B4GALT4: variants seen among roughly 807,000 people sequenced by gnomAD.
B4GALT4 encodes the protein N-acetyllactosamine synthase.
B4GALT4 carries 27 observed loss-of-function variants against 37.3 expected under a neutral mutation model. The ratio of observed to expected loss-of-function variants is 0.72; its 90% CI spans 0.53 to 1.00. The LOEUF (loss-of-function observed/expected upper bound fraction) is 1.00. B4GALT4 is among the 50% of genes least tolerant of loss of function. B4GALT4 has a pLI of 0.00. For missense variants in B4GALT4, 372 were observed against 413.1 expected (o/e 0.90, Z 0.86); for synonymous variants, 148 against 154.1 (o/e 0.96, Z 0.29).
rs1195297168 is a variant in B4GALT4 at position 119,212,697 on chromosome 3, A to G, written c.903-16T>C. 6.4e-7 allele frequency: 1 copy of G among 1,574,746 alleles called. No homozygotes were observed. The highest frequency in any genetic ancestry group is 2.0e-5 in the Admixed American group (1 of 50,006). The stretch of plus-strand genomic sequence containing the variant: ...GAGCTTCATCCTAAAGATAAAAAGA[A>G]CAAATGTGAATGATAAGAATTTAAC... On this transcript the variant is annotated splice_polypyrimidine_tract_variant and intron_variant, in intron 7 of 7. Transcript: ENST00000393765.
chr3:119,224,599 T>C (rs535046063), intron 4 of B4GALT4, among the ~76,000 whole-genome samples: 11 of 152,240 alleles, frequency 7.2e-5, no homozygotes, highest in Non-Finnish European at 1.5e-4. Flanking sequence ...TATGCATAGA[T>C]ACATTGCATG....
At position 119,226,295 on chromosome 3, in the gene B4GALT4, G is replaced by C. The variant is rs1448035288; in HGVS notation, c.486+514C>G. ...GAAGTCAAATAGATGAATCCAGAAA[G>C]TGAAAATCAAACATAATATGTTTCA... On this transcript the variant is annotated intron_variant, in intron 4 of 7. Transcript: ENST00000393765. Among the ~76,000 whole-genome samples the C allele has an allele frequency of 2.6e-5, 4 of 152,186 alleles. No individual in the cohort carries two copies. The East Asian group carries it at 7.7e-4, about 29-fold the overall frequency.
intron 4 of B4GALT4, 108 bp from the exon 5 acceptor site, chr3:119,224,353 C>G (rs1029318050): frequency 2.9e-6 from 2 of 683,852 alleles, no homozygotes; most frequent in Non-Finnish European, 2.2e-6. Context: ...ATTCTACGCA[C>G]GAGACTACAC....
In B4GALT4 at chr3:119,226,801, A is replaced by T. The variant is rs2078633514; in HGVS notation, c.486+8T>A. 6.2e-7 allele frequency: 1 copy of T among 1,611,496 alleles called. No individual in the cohort carries two copies. The highest frequency in any genetic ancestry group is 1.3e-5 in the African/African-American group (1 of 74,988). On this transcript the variant is annotated splice_region_variant and intron_variant, in intron 4 of 7. Coordinates refer to ENST00000393765, the MANE Select transcript of B4GALT4 (RefSeq NM_003778.4). ...CGAGGGCAGGCCCTGGTCTGCCCCC[A>T]CGCTCACCTGGTGGATGACGTAGAT...
chr3:119,238,059 G>A (rs1420003309), intron 1 of B4GALT4, among the ~76,000 whole-genome samples: 6 of 152,068 alleles, frequency 3.9e-5, no homozygotes, highest in Non-Finnish European at 5.9e-5. Context: ...TTGAGGCCAG[G>A]AGTTCAAGAC....
chr3:119,214,667 CT>C (rs1294298638), intron 7 of B4GALT4: 1 of 152,202 alleles, frequency 6.6e-6, no homozygotes, highest in Non-Finnish European at 1.5e-5. Flanking sequence ...TGACTCTTTT[CT>C]CTTTATTCTG....
At chr3:119,223,474 C>T (rs2078507645) in intron 5 of B4GALT4, among the ~76,000 whole-genome samples, 1 of 152,216 alleles carries the variant, frequency 6.6e-6, no homozygotes, top group African/African-American at 2.4e-5. Flanking sequence ...AGCAGCTACA[C>T]CCTTCTTAAG....
intron 5 of B4GALT4, among the ~76,000 whole-genome samples, chr3:119,222,943 C>G (rs2078492320): frequency 6.6e-6 from 1 of 152,212 alleles, no homozygotes; most frequent in South Asian, 2.1e-4. Flanking sequence ...ATCAATGTTA[C>G]TTAAGAATTC....
At chr3:119,217,207 C>T (rs188408277) in intron 6 of B4GALT4, among the ~76,000 whole-genome samples, 3 of 152,222 alleles carry the variant, frequency 2.0e-5, no homozygotes, top group Non-Finnish European at 4.4e-5. Flanking sequence ...CTACTAATCA[C>T]CCCAGTGAAG....
chr3:119,224,003 T>G, intron 5 of B4GALT4, 55 bp downstream of exon 5: 2 of 1,512,756 alleles, frequency 1.3e-6, no homozygotes. Flanking sequence ...CACCCAGTCT[T>G]GATCACAATA....
Position 119,230,016 on chromosome 3 carries a change from C to T in B4GALT4, c.84G>A (p.Trp28Ter). 1 of 1,614,110 alleles carries T rather than the reference C, an allele frequency of 6.2e-7. No homozygotes were observed. Among genetic ancestry groups the T allele is most frequent in the Non-Finnish European group, 8.5e-7 (1 of 1,180,020 alleles). ...LLTLCLTVVGWATSNYFVGAI... is the reference protein window; with the variant it reads ...LLTLCLTVVG ...CACCCACGAAGTAGTTACTGGTGGC[C>T]CACCCAACCACTGTCAGGCACAAAG... Residue 28 changes from tryptophan to a stop codon, truncating the protein, a stop_gained, in exon 3 of 8, where the codon TGG (tryptophan) becomes TGA (stop). Coordinates refer to ENST00000393765, the MANE Select transcript of B4GALT4 (RefSeq NM_003778.4). LOFTEE classifies it high-confidence loss of function.
intron 2 of B4GALT4, chr3:119,230,476 G>A (rs978598831): frequency 1.3e-5 from 3 of 229,264 alleles, no homozygotes; most frequent in Admixed American, 5.2e-5. Flanking sequence ...CACCCAAGAA[G>A]GGAAGCAATT....
chr3:119,220,937 GA>G (rs2078432195), intron 5 of B4GALT4, among the ~76,000 whole-genome samples: 1 of 150,528 alleles, frequency 6.6e-6, no homozygotes, highest in South Asian at 2.1e-4. Flanking sequence ...AGTGAGCCAA[GA>G]TCGCACCGCT....
intron 5 of B4GALT4, among the ~76,000 whole-genome samples, chr3:119,219,849 G>A (rs2078398943): frequency 6.6e-6 from 1 of 152,304 alleles, no homozygotes; most frequent in South Asian, 2.1e-4. Flanking sequence ...AGTTAAGGTA[G>A]CTTAAAAACT....
At chr3:119,218,168 G>A (rs1338538827) in intron 6 of B4GALT4, among the ~76,000 whole-genome samples, 1 of 152,176 alleles carries the variant, frequency 6.6e-6, no homozygotes, top group African/African-American at 2.4e-5. Context: ...TCTCCACAGC[G>A]TGCAGGGCTG....
intron 4 of B4GALT4, among the ~76,000 whole-genome samples, chr3:119,225,139 G>A (rs992854833): frequency 6.6e-6 from 1 of 152,198 alleles, no homozygotes; most frequent in Non-Finnish European, 1.5e-5. Flanking sequence ...TAATGCTACT[G>A]GTGGAGGCTA....
intron 4 of B4GALT4, among the ~76,000 whole-genome samples, chr3:119,225,398 T>C (rs960676173): frequency 3.9e-5 from 6 of 152,110 alleles, no homozygotes; most frequent in Admixed American, 2.6e-4. Context: ...CTTTCTCTTT[T>C]TCTTTTTTTT....
In B4GALT4 at chr3:119,224,164, A is replaced by C; in HGVS notation, c.568T>G (p.Phe190Val). The part of the protein sequence containing the change: ...EALKEENWDC[F>V]IFHDVDLVPE... ...ACCAGGTCCACATCGTGGAATATAA[A>C]GCAGTCCCAATTTTCTTCCTTGAGG... Residue 190 changes from phenylalanine (F) to valine (V), a missense_variant, in exon 5 of 8, where the codon TTT (phenylalanine) becomes GTT (valine). By Grantham distance (50) the Phe-to-Val change is conservative. Transcript: ENST00000393765. The C allele has an allele frequency of 6.2e-7, 1 of 1,614,118 alleles. No individual in the cohort carries two copies. Among genetic ancestry groups the C allele is most frequent in the Non-Finnish European group, 8.5e-7 (1 of 1,180,006 alleles).
At chr3:119,229,263 G>A (rs2078732784) in intron 3 of B4GALT4, among the ~76,000 whole-genome samples, 1 of 152,192 alleles carries the variant, frequency 6.6e-6, no homozygotes, top group South Asian at 2.1e-4. Flanking sequence ...GAGGAGGACA[G>A]GAGGCACATG....
Sources: gnomAD v4.1 joint callset for allele counts (sites outside exome capture counted in the v4.1 genomes callset) on GRCh38, gnomAD v4.1.1 for gene constraint, MANE v1.5 for transcripts, NCBI Gene and HGNC (gene_info 2026-07-23, HGNC 2026-07-21) for gene names.